The following DOCK7 variants were observed in gnomAD, a reference collection of about 807,000 sequenced individuals.
DOCK7 encodes the protein dedicator of cytokinesis 7.
DOCK7 carries 138 observed loss-of-function variants against 271.0 expected under a neutral mutation model. The ratio of observed to expected loss-of-function variants is 0.51; its 90% confidence interval spans 0.44 to 0.59. The LOEUF (loss-of-function observed/expected upper bound fraction) is 0.59. DOCK7 is among the 20% of genes least tolerant of loss of function. The pLI is 0.00. For synonymous variants in DOCK7, 823 were observed against 876.1 expected (o/e 0.94, Z 1.07); for missense variants, 2,066 against 2,592.4 (o/e 0.80, Z 4.41).
chr1:62,576,876 A>C (rs1389508533), intron 18 of DOCK7, among the ~76,000 whole-genome samples: 1 of 152,218 alleles, frequency 6.6e-6, no homozygotes, highest in African/African-American at 2.4e-5. Flanking sequence ...AATTAATTTA[A>C]ATCTGTTTTC....
At chr1:62,485,725 G>T in intron 43 of DOCK7, 1 of 976,852 alleles carries the variant, frequency 1.0e-6, no homozygotes, top group Non-Finnish European at 1.2e-6. Flanking sequence ...AGAGAAAACA[G>T]AAAGCATTTT....
At chr1:62,474,311 A>T (rs1411359632) in intron 47 of DOCK7, among the ~76,000 whole-genome samples, 1 of 152,224 alleles carries the variant, frequency 6.6e-6, no homozygotes, top group African/African-American at 2.4e-5. Flanking sequence ...TATTCTTCAA[A>T]GAAACAGAAT....
intron 14 of DOCK7, among the ~76,000 whole-genome samples, chr1:62,599,186 T>C (rs999690201): frequency 2.6e-5 from 4 of 152,104 alleles, no homozygotes; most frequent in African/African-American, 7.2e-5. Flanking sequence ...ATTTCACTCA[T>C]ATTGGCTCTT....
intron 4 of DOCK7, among the ~76,000 whole-genome samples, chr1:62,653,342 G>A (rs1657606284): frequency 6.6e-6 from 1 of 152,156 alleles, no homozygotes; most frequent in Admixed American, 6.5e-5. Context: ...AGCTTGGTCT[G>A]TAAAACTGCC....
intron 31 of DOCK7, among the ~76,000 whole-genome samples, chr1:62,523,328 G>A (rs944620126): frequency 6.6e-6 from 1 of 151,824 alleles, no homozygotes; most frequent in Admixed American, 6.6e-5. Context: ...TTTAATAAAC[G>A]GTGCTGAAAT....
intron 1 of DOCK7, among the ~76,000 whole-genome samples, chr1:62,677,929 T>TGAGG (rs377169449): frequency 6.6e-6 from 1 of 152,104 alleles, no homozygotes; most frequent in Non-Finnish European, 1.5e-5. Context: ...CCAGGAGTTC[T>TGAGG]CCAGCCTGGG....
At chr1:62,603,905 A>G (rs761241471) in intron 14 of DOCK7, 4 of 1,525,008 alleles carry the variant, frequency 2.6e-6, no homozygotes, top group Non-Finnish European at 3.6e-6. Flanking sequence ...AAAACACTTA[A>G]AAAAACTGTC....
intron 48 of DOCK7, among the ~76,000 whole-genome samples, chr1:62,472,467 G>T (rs541587555): frequency 6.6e-6 from 1 of 152,200 alleles, no homozygotes; most frequent in South Asian, 2.1e-4. Flanking sequence ...CACTTAAGGA[G>T]ACCTGTTGAC....
chr1:62,553,219 G>T, intron 21 of DOCK7, among the ~76,000 whole-genome samples: 1 of 145,766 alleles, frequency 6.9e-6, no homozygotes, highest in Non-Finnish European at 1.5e-5. Context: ...ATTTTTAGTA[G>T]AGATGAAGTT....
chr1:62,555,678 C>G, intron 21 of DOCK7, 147 bp downstream of exon 21: 1 of 797,468 alleles, frequency 1.3e-6, no homozygotes, highest in South Asian at 2.4e-5. Context: ...ACTTCAGCAC[C>G]TAGCACAGTG....
chr1:62,545,006 C>A lies in DOCK7; in HGVS notation c.2800G>T (p.Gly934Cys). ...LDRSNSWVNT[G>C]GPKAAPWGSN... The stretch of plus-strand genomic sequence containing the variant: ...CCCCATGGGGCAGCTTTTGGACCAC[C>A]AGTGTTAACCCAGGAATTGGAGCGA... The change falls in exon 23 of 50, where the codon GGT (glycine) becomes TGT (cysteine). Residue 934 changes from glycine to cysteine, a missense_variant. By Grantham distance (159) the Gly-to-Cys change is radical. Transcript: ENST00000635253. 6.5e-7 allele frequency: 1 copy of A among 1,549,814 alleles called. No homozygotes were observed. Among genetic ancestry groups the A allele is most frequent in the Non-Finnish European group, 8.7e-7 (1 of 1,146,480 alleles).
rs551156707 is a variant in DOCK7, at chr1:62,623,137, G to A, written c.1425+2122C>T. Among the ~76,000 whole-genome samples, 4 of 152,216 alleles carry A rather than the reference G, an allele frequency of 2.6e-5. No individual in the cohort carries two copies. The East Asian group carries it at 5.8e-4, about 22-fold the overall frequency. ...TATATCCCTACTGTAGACAGTAATC[G>A]CTCATAAACTGAAAAAGAAAAAACT... On this transcript the variant is annotated intron_variant, in intron 12 of 49. Coordinates refer to ENST00000635253, the MANE Select transcript of DOCK7 (RefSeq NM_001367561.1).
At chr1:62,508,253 C>T (rs1367097615) in intron 34 of DOCK7, among the ~76,000 whole-genome samples, 195 bp from the exon 35 acceptor site, 1 of 152,078 alleles carries the variant, frequency 6.6e-6, no homozygotes, top group Non-Finnish European at 1.5e-5. Context: ...ACAATACACA[C>T]TTTCTCACCC....
intron 37 of DOCK7, among the ~76,000 whole-genome samples, chr1:62,496,782 T>C (rs1213388373): frequency 2.0e-5 from 3 of 152,180 alleles, no homozygotes; most frequent in Non-Finnish European, 4.4e-5. Flanking sequence ...TGGGCATATG[T>C]TATTAATATA....
rs143074926 is a variant in DOCK7 at position 62,535,032 on chromosome 1, T to G, written c.3611+461A>C. Among the ~76,000 whole-genome samples the G allele has an allele frequency of 1.0e-3, 158 of 150,532 alleles. 4 individuals are homozygous for G. The East Asian group carries it at 0.029, about 28-fold the overall frequency. ...TGAACCCAGAAGGCAGAGGTTGCAG[T>G]GAGCTGAGATCCTGCCACTGCACTC... On this transcript the variant is annotated intron_variant, in intron 29 of 49. Coordinates refer to ENST00000635253, the MANE Select transcript of DOCK7 (RefSeq NM_001367561.1).
intron 14 of DOCK7, chr1:62,602,297 C>A (rs960306207): frequency 2.5e-6 from 4 of 1,609,266 alleles, no homozygotes; most frequent in Non-Finnish European, 3.4e-6. Flanking sequence ...AGTCCATGGA[C>A]ATTAATTCAA....
Position 62,494,464 on chromosome 1 carries a change from A to G in DOCK7, c.5028T>C (p.Ile1676=). 1 of 1,593,554 alleles carries G rather than the reference A, an allele frequency of 6.3e-7. No individual in the cohort carries two copies. Among genetic ancestry groups the G allele is most frequent in the Non-Finnish European group, 8.6e-7 (1 of 1,163,982 alleles). The change falls in exon 40 of 50, where the codon ATT becomes ATC. Residue 1676 remains isoleucine, a synonymous_variant. Transcript: ENST00000635253. ...PEMLIDLMYR[I]AKGYQTSPDL... ...CTGGAGAGGTCTGGTAACCCTTGGC[A>G]ATTCTAATTAGAACAGAAATTCTTC...
At chr1:62,680,769 A>G (rs1168117) in intron 1 of DOCK7, among the ~76,000 whole-genome samples, 2 of 149,946 alleles carry the variant, frequency 1.3e-5, no homozygotes, top group East Asian at 2.0e-4. Flanking sequence ...ATGCAGCCAA[A>G]AGACACATGA....
intron 25 of DOCK7, among the ~76,000 whole-genome samples, chr1:62,541,800 T>A (rs1363308392): frequency 6.6e-6 from 1 of 152,170 alleles, no homozygotes; most frequent in Non-Finnish European, 1.5e-5. Flanking sequence ...GGTCAACTGT[T>A]CATATATATG....
Sources: allele counts gnomAD v4.1 joint callset (sites outside exome capture counted in the v4.1 genomes callset), GRCh38; gene constraint gnomAD v4.1.1; transcripts MANE v1.5; gene names NCBI Gene and HGNC (gene_info 2026-07-23, HGNC 2026-07-21).